Variants in ZNF536 observed in about 807,000 individuals in gnomAD.
The protein encoded by ZNF536 is zinc finger protein 536.
Under a neutral mutation model 84.5 loss-of-function variants are expected in ZNF536, and 13 were observed. That is an observed-to-expected ratio of 0.15 (90% CI 0.10 to 0.24). ZNF536 has a LOEUF of 0.24. Among genes scored for constraint, ZNF536 ranks in the 10% least tolerant of loss-of-function variants. ZNF536 has a pLI of 1.00. For missense variants in ZNF536, 1,536 were observed against 1,747.5 expected, an observed-to-expected ratio of 0.88 and a Z score of 2.16; for synonymous variants, 811 against 742.5, an observed-to-expected ratio of 1.09 and a Z score of -1.50.
intron 2 of ZNF536, among the ~76,000 whole-genome samples, chr19:30,345,259 G>T (rs2047704582): frequency 6.6e-6 from 1 of 152,174 alleles, no homozygotes. Context: ...CAGCATGAGT[G>T]CACTCAGCTC....
At chr19:30,321,000 C>T (rs1421245363) in intron 2 of ZNF536, among the ~76,000 whole-genome samples, 1 of 152,204 alleles carries the variant, frequency 6.6e-6, no homozygotes, top group Non-Finnish European at 1.5e-5. Context: ...TCCTGCGCCT[C>T]TATTCCAGTG....
chr19:30,406,065 C>G (rs892526013), intron 1 of ZNF536, among the ~76,000 whole-genome samples: 2 of 152,220 alleles, frequency 1.3e-5, no homozygotes, highest in Non-Finnish European at 2.9e-5. Context: ...GCGTGAGCCA[C>G]CACGCCCAGC....
At chr19:30,496,981 C>G (rs370857043) in intron 2 of ZNF536, among the ~76,000 whole-genome samples, 1 of 152,130 alleles carries the variant, frequency 6.6e-6, no homozygotes, top group South Asian at 2.1e-4. Context: ...GGGCTGGGAG[C>G]CCTCTGGGGG....
At chr19:30,645,577 G>A (rs1158799436) in intron 1 of ZNF536, among the ~76,000 whole-genome samples, 1 of 152,164 alleles carries the variant, frequency 6.6e-6, no homozygotes, top group Non-Finnish European at 1.5e-5. Flanking sequence ...TTTAAATATG[G>A]AAACTGTTGA....
At chr19:30,599,396 T>A (rs1286634959) in intron 1 of ZNF536, among the ~76,000 whole-genome samples, 1 of 110,856 alleles carries the variant, frequency 9.0e-6, no homozygotes, top group Non-Finnish European at 1.8e-5. Flanking sequence ...CCTCCTTTCC[T>A]CCCTTCCTTC....
intron 2 of ZNF536, among the ~76,000 whole-genome samples, chr19:30,333,746 C>T (rs543781400): frequency 1.2e-4 from 18 of 152,302 alleles, no homozygotes; most frequent in African/African-American, 1.7e-4. Flanking sequence ...CCGGACCCCA[C>T]GGAGACTAAC....
chr19:30,549,568 A>G (rs1445400219), intron 4 of ZNF536, 54 bp downstream of exon 4: 43 of 1,438,004 alleles, frequency 3.0e-5, no homozygotes, highest in South Asian at 7.5e-5. Context: ...TCAGTGCTGA[A>G]TTGTGCATTT....
intron 1 of ZNF536, among the ~76,000 whole-genome samples, chr19:30,648,814 A>C (rs935818901): frequency 6.6e-6 from 1 of 152,236 alleles, no homozygotes; most frequent in Non-Finnish European, 1.5e-5. Context: ...GGGGAAAAAT[A>C]AAGATCATTT....
At chr19:30,549,600 C>T in intron 4 of ZNF536, 86 bp downstream of exon 4, 1 of 1,368,312 alleles carries the variant, frequency 7.3e-7, no homozygotes, top group Non-Finnish European at 9.6e-7. Flanking sequence ...GTAGACTTAT[C>T]CATGAGCAAC....
chr19:30,604,191 T>C (rs1285448400), intron 1 of ZNF536, among the ~76,000 whole-genome samples: 1 of 152,222 alleles, frequency 6.6e-6, no homozygotes, highest in Non-Finnish European at 1.5e-5. Flanking sequence ...GGGATAGTGA[T>C]GTACTGAATG....
intron 1 of ZNF536, among the ~76,000 whole-genome samples, chr19:30,231,280 C>G (rs2023019883): frequency 6.6e-6 from 1 of 152,244 alleles, no homozygotes; most frequent in African/African-American, 2.4e-5. Context: ...CTGCCTCAGC[C>G]TATCTCCAAG....
intron 1 of ZNF536, among the ~76,000 whole-genome samples, chr19:30,635,114 T>A (rs894875058): frequency 1.3e-5 from 2 of 151,934 alleles, no homozygotes; most frequent in Non-Finnish European, 2.9e-5. Context: ...CACACGCGCA[T>A]GTTTAGGGAC....
chr19:30,628,521 C>T (rs951054913), intron 1 of ZNF536, among the ~76,000 whole-genome samples: 10 of 151,272 alleles, frequency 6.6e-5, no homozygotes, highest in African/African-American at 2.2e-4. Flanking sequence ...CTCCGCCCCC[C>T]GGGTTCACGC....
intron 2 of ZNF536, among the ~76,000 whole-genome samples, chr19:30,332,653 T>G (rs377675611): frequency 2.2e-4 from 33 of 152,288 alleles, no homozygotes; most frequent in African/African-American, 7.5e-4. Context: ...CCTGTAATTA[T>G]CCAAATTATT....
At chr19:30,627,462 C>A (rs1030085908) in intron 1 of ZNF536, among the ~76,000 whole-genome samples, 1 of 96,366 alleles carries the variant, frequency 1.0e-5, no homozygotes, top group Admixed American at 1.6e-4. Context: ...CAGACCAAGG[C>A]CCTGTCAAAA....
chr19:30,362,105 T>C (rs1262859589), intron 3 of ZNF536, among the ~76,000 whole-genome samples: 1 of 152,222 alleles, frequency 6.6e-6, no homozygotes, highest in Non-Finnish European at 1.5e-5. Flanking sequence ...AAGAGAGATC[T>C]GGGTTGGATC....
chr19:30,432,041 GCA>G (rs1236213464), intron 1 of ZNF536, among the ~76,000 whole-genome samples: 1 of 143,536 alleles, frequency 7.0e-6, no homozygotes, highest in African/African-American at 2.7e-5. Context: ...ACACAGGCAC[GCA>G]CAGAGAGAGA....
intron 1 of ZNF536, among the ~76,000 whole-genome samples, chr19:30,277,574 G>T (rs1358479604): frequency 2.0e-5 from 3 of 152,186 alleles, no homozygotes; most frequent in South Asian, 4.1e-4. Context: ...TATTTCAGCC[G>T]TGTCGTATGA....
chr19:30,710,408 G>T (rs911796281), intron 1 of ZNF536, among the ~76,000 whole-genome samples: 3 of 152,150 alleles, frequency 2.0e-5, no homozygotes, highest in Non-Finnish European at 4.4e-5. Context: ...TGGGCATTGT[G>T]GTGTACCTGT....
Sources: gnomAD v4.1 joint callset for allele counts (sites outside exome capture counted in the v4.1 genomes callset) on GRCh38, gnomAD v4.1.1 for gene constraint, MANE v1.5 for transcripts, NCBI Gene and HGNC (gene_info 2026-07-23, HGNC 2026-07-21) for gene names.